The following ADI1 variants were observed in gnomAD, a reference collection of about 807,000 sequenced individuals.
ADI1 encodes the protein acireductone dioxygenase.
ADI1 carries 21 observed loss-of-function variants against 18.7 expected under a neutral mutation model. The observed-to-expected ratio is 1.13, with a 90% CI of 0.80 to 1.62. The LOEUF (loss-of-function observed/expected upper bound fraction) is 1.62, where lower values mean the gene tolerates loss of function less well. Among genes scored for constraint, ADI1 ranks in the 40% most tolerant of loss-of-function variants. The pLI, the probability that ADI1 is intolerant of heterozygous loss-of-function variation, is 0.00. For synonymous variants in ADI1, 90 were observed against 100.1 expected, an observed-to-expected ratio of 0.90 and a Z score of 0.60; for missense variants, 245 against 254.9, an observed-to-expected ratio of 0.96 and a Z score of 0.26.
At chr2:3,518,640 CG>C (rs1482630334) in intron 1 of ADI1, among the ~76,000 whole-genome samples, 7 of 152,046 alleles carry the variant, frequency 4.6e-5, no homozygotes, top group African/African-American at 1.7e-4. Flanking sequence ...CGCTACCCCC[CG>C]GGGATCCCCG....
intron 3 of ADI1, among the ~76,000 whole-genome samples, chr2:3,499,960 G>A (rs1446112510): frequency 6.6e-5 from 10 of 151,928 alleles, no homozygotes. Flanking sequence ...AGCTACTCAG[G>A]AGGCTGAGGC....
intron 3 of ADI1, chr2:3,500,546 G>A (rs1572230690): frequency 9.0e-6 from 4 of 444,652 alleles, no homozygotes; most frequent in Admixed American, 4.3e-5. Context: ...TGTACCTGCC[G>A]CCGCCTGTAC....
rs1240786298 is a variant in ADI1, at chr2:3,516,522, A to T, written c.121-2546T>A. Reference sequence around the variant, plus strand: ...AAGAGCAAGAGAGATGTAAGAGAGCAGTTTGCCCCTTCCACCACATGAGGA... The same window carrying T: ...AAGAGCAAGAGAGATGTAAGAGAGCTGTTTGCCCCTTCCACCACATGAGGA... On this transcript the variant is annotated intron_variant, in intron 1 of 3. Transcript: ENST00000327435. The T allele has an allele frequency of 2.7e-5, 4 of 150,832 alleles. No homozygotes were observed. The East Asian group carries it at 8.1e-4, about 31-fold the overall frequency. The allele number at this position is 150,832 out of a possible 1,614,324, so 9.3% of individuals were successfully genotyped here.
chr2:3,511,626 T>C (rs1194525056), intron 2 of ADI1, among the ~76,000 whole-genome samples: 1 of 152,026 alleles, frequency 6.6e-6, no homozygotes, highest in Non-Finnish European at 1.5e-5. Context: ...ACAGAAAAAA[T>C]GGTACCAAGG....
In ADI1 at chr2:3,519,519, A is replaced by G. The variant is rs763461989; in HGVS notation, c.-32T>C. On this transcript the variant is annotated 5_prime_UTR_variant, in exon 1 of 4. Transcript: ENST00000327435. ...CAGTGCGGGTGCCGTGTTCGAACCC[A>G]GGGGCCGCGCTCGGAGCCCGTCGGC... is the stretch of plus-strand genomic sequence containing the variant. The G allele has an allele frequency of 1.2e-5, 15 of 1,256,958 alleles. 1 individual carries two copies. The Admixed American group carries it at 2.4e-4, about 20-fold the overall frequency. The allele number at this position is 1,256,958 out of a possible 1,614,324, so 77.9% of individuals were successfully genotyped here. A position where few individuals can be genotyped will look rare whatever the true frequency, so the allele number is the denominator to read the frequency against.
intron 1 of ADI1, chr2:3,516,133 T>C (rs565106759): frequency 4.8e-6 from 4 of 831,306 alleles, no homozygotes; most frequent in Non-Finnish European, 5.8e-6. Flanking sequence ...GTGGGACCTT[T>C]AGGATGTGAT....
intron 1 of ADI1, 43 bp downstream of exon 1, chr2:3,519,325 G>A: frequency 1.5e-6 from 2 of 1,349,660 alleles, no homozygotes; most frequent in South Asian, 1.8e-5. Context: ...GCGTTTGGGG[G>A]TCGGCGTCGC....
rs1420115795 is a variant in ADI1 at position 3,498,935 on chromosome 2, G to C, written c.*28C>G. 6.3e-7 allele frequency: 1 copy of C among 1,588,512 alleles called. No homozygotes were observed. Among genetic ancestry groups the C allele is most frequent in the Middle Eastern group, 1.9e-4 (1 of 5,342 alleles). On this transcript the variant is annotated 3_prime_UTR_variant, in exon 4 of 4. Transcript: ENST00000327435. ...GTCATTACATTGGGGACCTTTACGA[G>C]GCACGTGTTAGTTCCCAGGCAGCAC...
intron 2 of ADI1, among the ~76,000 whole-genome samples, chr2:3,510,317 A>G (rs888226884): frequency 6.6e-6 from 1 of 152,070 alleles, no homozygotes; most frequent in Non-Finnish European, 1.5e-5. Context: ...AATAATAATA[A>G]TAATGTCTGT....
rs33977448 is a variant in ADI1 at position 3,508,334 on chromosome 2, C to CAAAA, written c.240+5519_240+5522dup. ...TGGGCAACAGAGTGAGACTCTGTCT[C>CAAAA]AAAAAAAAAAAAAAAAAAAAAAAAA... On this transcript the variant is annotated intron_variant, in intron 2 of 3. Transcript: ENST00000327435. Among the ~76,000 whole-genome samples the CAAAA allele has an allele frequency of 2.3e-3, 62 of 26,914 alleles. 5 individuals carry two copies. In the East Asian group the frequency reaches 0.026, roughly 11 times the overall value. 17.7% of individuals were successfully genotyped at this position (26,914 alleles called of 152,430 possible). A position where few individuals can be genotyped will look rare whatever the true frequency, so the allele number is the denominator to read the frequency against.
chr2:3,511,061 G>C (rs1472032672), intron 2 of ADI1, among the ~76,000 whole-genome samples: 1 of 152,212 alleles, frequency 6.6e-6, no homozygotes, highest in Admixed American at 6.5e-5. Context: ...GAGGTGACTG[G>C]ATCACGGGAA....
At chr2:3,508,072 C>T (rs190929525) in intron 2 of ADI1, among the ~76,000 whole-genome samples, 100 of 152,176 alleles carry the variant, frequency 6.6e-4, no homozygotes, top group Non-Finnish European at 1.1e-3. Flanking sequence ...CGGTGGCTCA[C>T]ATCTGTAATC....
intron 2 of ADI1, among the ~76,000 whole-genome samples, chr2:3,509,350 T>C (rs191061877): frequency 6.6e-6 from 1 of 152,306 alleles, no homozygotes; most frequent in Non-Finnish European, 1.5e-5. Flanking sequence ...ATAGATTACT[T>C]CATTCAACAA....
chr2:3,509,457 C>T (rs982667832), intron 2 of ADI1, among the ~76,000 whole-genome samples: 4 of 151,950 alleles, frequency 2.6e-5, no homozygotes, highest in African/African-American at 9.7e-5. Context: ...TTTACGAAGA[C>T]TCAAATTATA....
intron 2 of ADI1, among the ~76,000 whole-genome samples, chr2:3,501,674 C>T (rs2103201698): frequency 6.6e-6 from 1 of 152,036 alleles, no homozygotes; most frequent in Middle Eastern, 3.4e-3. Flanking sequence ...ATTACAGGTA[C>T]CTACCACTAT....
At chr2:3,513,462 G>A (rs1667335387) in intron 2 of ADI1, among the ~76,000 whole-genome samples, 1 of 152,178 alleles carries the variant, frequency 6.6e-6, no homozygotes. Context: ...CTCATGAATA[G>A]CTTAGCACTA....
At position 3,497,832 on chromosome 2, in the gene ADI1, G is replaced by A. The variant is rs1004339927; in HGVS notation, c.*1131C>T. Reference sequence around the variant, plus strand: ...TGAAGCAAGAAAGGCAATTTAAAGCGATAGTTTATCATATGAATGTTTCGT... The same window carrying A: ...TGAAGCAAGAAAGGCAATTTAAAGCAATAGTTTATCATATGAATGTTTCGT... On this transcript the variant is annotated 3_prime_UTR_variant, in exon 4 of 4. Coordinates refer to ENST00000327435, the MANE Select transcript of ADI1 (RefSeq NM_018269.4). The A allele has an allele frequency of 2.6e-5, 4 of 152,176 alleles. No homozygotes were observed. The highest frequency in any genetic ancestry group is 2.1e-4 in the South Asian group (1 of 4,824). The allele number at this position is 152,176 out of a possible 1,614,324, so 9.4% of individuals were successfully genotyped here.
At chr2:3,500,296 C>G (rs892452864) in intron 3 of ADI1, among the ~76,000 whole-genome samples, 6 of 152,170 alleles carry the variant, frequency 3.9e-5, no homozygotes, top group Admixed American at 3.9e-4. Flanking sequence ...CAGCATTACC[C>G]CAATCGCCTC....
chr2:3,502,856 C>T (rs1473502803), intron 2 of ADI1, among the ~76,000 whole-genome samples: 1 of 152,114 alleles, frequency 6.6e-6, no homozygotes, highest in African/African-American at 2.4e-5. Context: ...TGCTGCTTGT[C>T]ATGGTCTGGG....
Sources: allele counts gnomAD v4.1 joint callset (sites outside exome capture counted in the v4.1 genomes callset), GRCh38; gene constraint gnomAD v4.1.1; transcripts MANE v1.5; gene names NCBI Gene and HGNC (gene_info 2026-07-23, HGNC 2026-07-21).